The following DGKB variants were observed in gnomAD, a reference collection of about 807,000 sequenced individuals.
DGKB encodes diacylglycerol kinase beta, also known as 90 kDa diacylglycerol kinase.
A neutral mutation model predicts 114.3 loss-of-function variants in DGKB; 67 were observed. The ratio of observed to expected loss-of-function variants is 0.59; its 90% CI spans 0.48 to 0.72. The LOEUF (loss-of-function observed/expected upper bound fraction) is 0.72. Among genes scored for constraint, DGKB ranks in the 30% least tolerant of loss-of-function variants. The pLI is 0.00. For missense variants in DGKB, 907 were observed against 975.2 expected (o/e 0.93, Z 0.93); for synonymous variants, 398 against 323.1 (o/e 1.23, Z -2.49).
At chr7:14,584,994 A>T (rs1279150266) in intron 17 of DGKB, among the ~76,000 whole-genome samples, 1 of 152,110 alleles carries the variant, frequency 6.6e-6, no homozygotes, top group African/African-American at 2.4e-5. Context: ...AACTCTTTGC[A>T]TATTACAGCA....
At chr7:14,226,138 A>G (rs1790768197) in intron 23 of DGKB, among the ~76,000 whole-genome samples, 1 of 152,012 alleles carries the variant, frequency 6.6e-6, no homozygotes, top group African/African-American at 2.4e-5. Context: ...AGAAGGTATA[A>G]TAGAAATGAA....
At chr7:14,523,187 C>T (rs935331843) in intron 20 of DGKB, among the ~76,000 whole-genome samples, 1 of 152,134 alleles carries the variant, frequency 6.6e-6, no homozygotes, top group Non-Finnish European at 1.5e-5. Context: ...ATAATAACTT[C>T]TCTTTGAAAG....
intron 21 of DGKB, among the ~76,000 whole-genome samples, chr7:14,437,056 G>A (rs1282101071): frequency 6.6e-6 from 1 of 151,836 alleles, no homozygotes; most frequent in East Asian, 1.9e-4. Flanking sequence ...TTATTTATGT[G>A]TTTTAGCAGT....
intron 2 of DGKB, among the ~76,000 whole-genome samples, chr7:14,768,735 T>A (rs1187349678): frequency 6.6e-6 from 1 of 152,002 alleles, no homozygotes; most frequent in African/African-American, 2.4e-5. Flanking sequence ...TTTTAAAAAA[T>A]TTAGGGGAGG....
intron 21 of DGKB, among the ~76,000 whole-genome samples, chr7:14,464,664 T>C (rs1313276334): frequency 6.6e-6 from 1 of 152,192 alleles, no homozygotes. Flanking sequence ...CTCCGTGTAC[T>C]TGTTAGTATT....
intron 25 of DGKB, among the ~76,000 whole-genome samples, chr7:14,170,149 GAA>G (rs869265814): frequency 3.8e-5 from 1 of 26,570 alleles, no homozygotes; most frequent in East Asian, 8.1e-4. Flanking sequence ...AAAAAAAAAA[GAA>G]AGAAAGAAAG....
At position 14,748,838 on chromosome 7, in the gene DGKB, C is replaced by T. The variant is rs73064730; in HGVS notation, c.168+5090G>A. Among the ~76,000 whole-genome samples, 31 of 152,250 alleles carry T rather than the reference C, an allele frequency of 2.0e-4. No individual in the cohort carries two copies. In the Middle Eastern group the frequency reaches 0.01, roughly 50 times the overall value. ...ACTAATTAATAAGTGACTCCTAAAA[C>T]ACAAAAATGAATCATTCAACTATTA... On this transcript the variant is annotated intron_variant, in intron 4 of 25. Transcript: ENST00000402815.
At chr7:14,215,291 A>T (rs755370027) in intron 23 of DGKB, among the ~76,000 whole-genome samples, 13 of 152,150 alleles carry the variant, frequency 8.5e-5, no homozygotes, top group Non-Finnish European at 1.8e-4. Context: ...GTGATTAATG[A>T]TGAACCTGGG....
At chr7:14,458,416 T>C (rs1832610766) in intron 21 of DGKB, among the ~76,000 whole-genome samples, 1 of 152,264 alleles carries the variant, frequency 6.6e-6, no homozygotes, top group African/African-American at 2.4e-5. Context: ...GCAAGATGGC[T>C]GAGTAGGAAC....
At chr7:14,472,416 T>A (rs1781557266) in intron 21 of DGKB, among the ~76,000 whole-genome samples, 1 of 152,192 alleles carries the variant, frequency 6.6e-6, no homozygotes, top group Non-Finnish European at 1.5e-5. Context: ...CCTTCCACCA[T>A]GATTGTGAGG....
intron 17 of DGKB, among the ~76,000 whole-genome samples, chr7:14,589,942 G>A (rs915027404): frequency 1.4e-5 from 2 of 145,628 alleles, no homozygotes; most frequent in African/African-American, 5.0e-5. Context: ...ACGATTTTTT[G>A]TGGAAGAATT....
At chr7:14,610,857 T>G (rs1028430526) in intron 16 of DGKB, among the ~76,000 whole-genome samples, 1 of 152,132 alleles carries the variant, frequency 6.6e-6, no homozygotes, top group Non-Finnish European at 1.5e-5. Flanking sequence ...ACCAGCTTTA[T>G]AAATTTCTTG....
At chr7:14,520,964 G>T (rs1382715631) in intron 20 of DGKB, among the ~76,000 whole-genome samples, 1 of 151,952 alleles carries the variant, frequency 6.6e-6, no homozygotes, top group Non-Finnish European at 1.5e-5. Flanking sequence ...CCATAATATT[G>T]CTGAACATAC....
chr7:14,156,758 G>C, intron 25 of DGKB, among the ~76,000 whole-genome samples: 1 of 152,014 alleles, frequency 6.6e-6, no homozygotes, highest in East Asian at 1.9e-4. Context: ...TTGGGTCAAT[G>C]GCTAAAAGAT....
intron 21 of DGKB, among the ~76,000 whole-genome samples, chr7:14,347,952 C>T (rs190846934): frequency 5.3e-5 from 8 of 151,840 alleles, no homozygotes; most frequent in East Asian, 3.9e-4. Context: ...CATTATTTTG[C>T]GATAAATTTA....
chr7:14,193,421 A>C (rs551923237), intron 23 of DGKB, among the ~76,000 whole-genome samples: 33 of 152,322 alleles, frequency 2.2e-4, no homozygotes, highest in African/African-American at 7.2e-4. Flanking sequence ...ATTTTTGACA[A>C]AGATGCCAAA....
At chr7:14,298,819 C>G (rs1023802387) in intron 23 of DGKB, among the ~76,000 whole-genome samples, 2 of 152,124 alleles carry the variant, frequency 1.3e-5, no homozygotes, top group Non-Finnish European at 2.9e-5. Context: ...TATCCAGCAT[C>G]TACAAAGAAC....
intron 17 of DGKB, among the ~76,000 whole-genome samples, chr7:14,603,146 AT>A (rs148944949): frequency 0.027 from 4,042 of 152,140 alleles, 192 homozygotes; most frequent in African/African-American, 0.092. Context: ...TAGATCTTTA[AT>A]TTTAGAAGCA....
intron 21 of DGKB, among the ~76,000 whole-genome samples, chr7:14,384,930 G>T (rs1329451723): frequency 2.6e-5 from 4 of 152,136 alleles, no homozygotes; most frequent in African/African-American, 9.7e-5. Context: ...AAACTCCATG[G>T]TAAGTGAGAA....
Sources: allele counts gnomAD v4.1 joint callset (sites outside exome capture counted in the v4.1 genomes callset), GRCh38; gene constraint gnomAD v4.1.1; transcripts MANE v1.5; gene names NCBI Gene and HGNC (gene_info 2026-07-23, HGNC 2026-07-21).